Variants in MKLN1 observed in about 807,000 individuals in gnomAD.
The protein encoded by MKLN1 is muskelin 1.
Under a neutral mutation model 99.0 loss-of-function variants are expected in MKLN1, and 18 were observed. That is an observed-to-expected ratio of 0.18 (90% CI 0.13 to 0.27). MKLN1 has a LOEUF of 0.27. Ranked by LOEUF, MKLN1 falls within the 10% of genes least tolerant of loss-of-function variation. MKLN1 has a pLI of 1.00. For synonymous variants in MKLN1, 288 were observed against 293.2 expected, an observed-to-expected ratio of 0.98 and a Z score of 0.18; for missense variants, 621 against 875.9, an observed-to-expected ratio of 0.71 and a Z score of 3.67.
chr7:131,438,483 T>TA (rs1382220078), intron 10 of MKLN1, among the ~76,000 whole-genome samples: 2 of 148,688 alleles, frequency 1.3e-5, no homozygotes, highest in African/African-American at 2.5e-5. Flanking sequence ...CATACTAGAT[T>TA]AAACTCAGCA....
chr7:131,366,114 T>A (rs1014184340), intron 1 of MKLN1, among the ~76,000 whole-genome samples: 2 of 152,138 alleles, frequency 1.3e-5, no homozygotes, highest in Non-Finnish European at 2.9e-5. Context: ...ACTAAAGAAT[T>A]AAACCTTTCC....
At chr7:131,202,112 C>T (rs1796735904) in intron 2 of MKLN1, among the ~76,000 whole-genome samples, 2 of 117,802 alleles carry the variant, frequency 1.7e-5, no homozygotes, top group South Asian at 2.5e-4. Flanking sequence ...ACTAATATAT[C>T]TTTTTCGGGG....
chr7:131,463,069 T>C, intron 12 of MKLN1, 148 bp from the exon 13 acceptor site: 1 of 620,130 alleles, frequency 1.6e-6, no homozygotes, highest in Non-Finnish European at 2.7e-6. Flanking sequence ...CTGCAGTGAG[T>C]CATGGTTGTG....
intron 16 of MKLN1, among the ~76,000 whole-genome samples, chr7:131,473,379 AGTT>A (rs1796882100): frequency 6.6e-6 from 1 of 151,936 alleles, no homozygotes; most frequent in African/African-American, 2.4e-5. Context: ...TTTTTTTCAC[AGTT>A]GTTATGATCA....
At chr7:131,202,035 G>A (rs977711719) in intron 2 of MKLN1, among the ~76,000 whole-genome samples, 1 of 151,490 alleles carries the variant, frequency 6.6e-6, no homozygotes, top group African/African-American at 2.4e-5. Flanking sequence ...GTCTGCGGGT[G>A]AAAGTCATTT....
intron 2 of MKLN1, among the ~76,000 whole-genome samples, chr7:131,196,979 T>C (rs968565800): frequency 1.3e-5 from 2 of 152,144 alleles, no homozygotes; most frequent in Non-Finnish European, 2.9e-5. Flanking sequence ...TGGAGCTCAT[T>C]GTGTGCAGCT....
At chr7:131,363,078 A>T (rs553941621) in intron 1 of MKLN1, among the ~76,000 whole-genome samples, 165 of 151,764 alleles carry the variant, frequency 1.1e-3, no homozygotes, top group Middle Eastern at 3.4e-3. Context: ...CTTAGAGTGG[A>T]TTTTTATTTT....
Position 131,487,697 on chromosome 7 carries a change from A to G in MKLN1, c.2177A>G (p.Lys726Arg). Residue 726 changes from lysine (K) to arginine (R), a missense_variant, in exon 18 of 18, where the codon AAA (lysine) becomes AGA (arginine). Around this residue, in one of 8 missense-constraint regions of MKLN1, gnomAD observed 126 missense variants for 157.4 expected, o/e 0.80. Coordinates refer to ENST00000352689, the MANE Select transcript of MKLN1 (RefSeq NM_013255.5). The surrounding 1 kb of genome is among the most constrained non-coding windows in gnomAD (Gnocchi z 4.7). ...NFFPDSMTPP[K>R]GNLVDLITL is the part of the protein sequence containing the mutation. Reference sequence around the variant, plus strand: ...TTTCCTGACAGCATGACTCCTCCTAAAGGCAACCTGGTAGACCTCATCACA... The same window carrying G: ...TTTCCTGACAGCATGACTCCTCCTAGAGGCAACCTGGTAGACCTCATCACA... 1 of 1,613,072 alleles carries G rather than the reference A, an allele frequency of 6.2e-7. No individual in the cohort carries two copies. Among genetic ancestry groups the G allele is most frequent in the Non-Finnish European group, 8.5e-7 (1 of 1,179,332 alleles).
intron 3 of MKLN1, among the ~76,000 whole-genome samples, chr7:131,313,682 T>C (rs967822430): frequency 6.6e-6 from 1 of 152,226 alleles, no homozygotes; most frequent in Non-Finnish European, 1.5e-5. Flanking sequence ...TAATACAAAA[T>C]CACAGGAATC....
upstream of MKLN1, among the ~76,000 whole-genome samples, chr7:131,324,875 G>A (rs765414077): frequency 1.3e-5 from 2 of 152,044 alleles, no homozygotes; most frequent in East Asian, 1.9e-4. Flanking sequence ...ACAAATTTTC[G>A]TCTTGGTATC....
intron 9 of MKLN1, among the ~76,000 whole-genome samples, chr7:131,430,897 A>G (rs1252832778): frequency 1.3e-5 from 2 of 152,084 alleles, no homozygotes; most frequent in East Asian, 3.9e-4. Context: ...CATTGCCTCC[A>G]GCCTCGGTGA....
intron 3 of MKLN1, among the ~76,000 whole-genome samples, chr7:131,305,572 T>G (rs142142099): frequency 1.7e-4 from 26 of 152,328 alleles, no homozygotes; most frequent in Non-Finnish European, 3.4e-4. Context: ...TGGGGGTGAC[T>G]CTTCATCACT....
At chr7:131,319,884 G>T (rs11772161) in intron 3 of MKLN1, among the ~76,000 whole-genome samples, 68,078 of 151,926 alleles carry the variant, frequency 0.45, 16,773 homozygotes, top group Admixed American at 0.59. Context: ...GGACGTGAAG[G>T]ATCTTTTCAA....
At chr7:131,124,081 T>C (rs2116206354) in intron 1 of MKLN1, among the ~76,000 whole-genome samples, 1 of 152,334 alleles carries the variant, frequency 6.6e-6, no homozygotes, top group East Asian at 1.9e-4. Context: ...TTCAGTTTCC[T>C]CTTTTTGAAA....
intron 6 of MKLN1, among the ~76,000 whole-genome samples, chr7:131,402,868 G>T (rs1455838797): frequency 1.3e-5 from 2 of 152,108 alleles, no homozygotes; most frequent in Non-Finnish European, 2.9e-5. Flanking sequence ...TCTAGGCTTT[G>T]TTACTCCATT....
At chr7:131,214,981 G>T (rs553862065) in intron 3 of MKLN1, among the ~76,000 whole-genome samples, 20 of 152,236 alleles carry the variant, frequency 1.3e-4, no homozygotes, top group Non-Finnish European at 2.8e-4. Context: ...TCTTTTGTTT[G>T]CTAGTAAATG....
intron 3 of MKLN1, among the ~76,000 whole-genome samples, chr7:131,248,081 ATTTATTT>A (rs1230632443): frequency 7.3e-6 from 1 of 137,894 alleles, no homozygotes; most frequent in Non-Finnish European, 1.6e-5. Flanking sequence ...TTTATTATTT[ATTTATTT>A]ATTTATTTAT....
rs192146720 is a variant in MKLN1 at position 131,307,658 on chromosome 7, C to A, written c.-178-67766C>A. ...GCCAAGTTTCAGACTGGCAGTGGGGCCTGTAACCCCTCTGTTTTGGCCAGT... is the reference window on the plus strand; with the variant it reads ...GCCAAGTTTCAGACTGGCAGTGGGGACTGTAACCCCTCTGTTTTGGCCAGT... On this transcript the variant is annotated intron_variant, in intron 3 of 7. Coordinates refer to the MKLN1 transcript ENST00000416992. 8.1e-4 allele frequency among the ~76,000 whole-genome samples: 123 copies of A among 152,232 alleles called. 1 individual carries two copies. Among genetic ancestry groups the A allele is most frequent in the African/African-American group, 2.8e-3 (117 of 41,548 alleles).
intron 2 of MKLN1, among the ~76,000 whole-genome samples, chr7:131,166,804 G>C (rs184013182): frequency 6.6e-6 from 1 of 152,252 alleles, no homozygotes; most frequent in East Asian, 1.9e-4. Flanking sequence ...TCCTGCCTCA[G>C]CCTCCCCAAT....
Sources: gnomAD v4.1 joint callset for allele counts (sites outside exome capture counted in the v4.1 genomes callset) on GRCh38, gnomAD v4.1.1 for gene constraint, gnomAD v4.1.1 regional missense constraint, Gnocchi (gnomAD v3.1) non-coding constraint, MANE v1.5 for transcripts, NCBI Gene and HGNC (gene_info 2026-07-23, HGNC 2026-07-21) for gene names.